The following KIDINS220 variants were observed in gnomAD, a reference collection of about 807,000 sequenced individuals.
KIDINS220 encodes the protein kinase D interacting substrate 220, also known as kinase D-interacting substrate of 220 kDa.
KIDINS220 carries 63 observed loss-of-function variants against 157.6 expected under a neutral mutation model. The observed-to-expected ratio is 0.40, with a 90% confidence interval of 0.33 to 0.49. KIDINS220 has a LOEUF of 0.49. Among genes scored for constraint, KIDINS220 ranks in the 20% least tolerant of loss-of-function variants. The pLI is 0.66. For missense variants in KIDINS220, 1,772 were observed against 2,171.2 expected (o/e 0.82, Z 3.65); for synonymous variants, 732 against 783.6 (o/e 0.93, Z 1.10).
chr2:8,736,586 G>C (rs1381589089), intron 27 of KIDINS220, among the ~76,000 whole-genome samples: 17 of 152,330 alleles, frequency 1.1e-4, no homozygotes, highest in African/African-American at 4.1e-4. Context: ...ATCCCTCAGA[G>C]CTTTCTCTTT....
intron 7 of KIDINS220, among the ~76,000 whole-genome samples, chr2:8,803,361 A>G (rs1481689068): frequency 1.3e-5 from 2 of 152,194 alleles, no homozygotes; most frequent in Non-Finnish European, 2.9e-5. Flanking sequence ...CATTAGAGCT[A>G]TTATGAAGTT....
At chr2:8,813,430 AT>A in intron 4 of KIDINS220, 95 bp from the exon 5 acceptor site, 1 of 843,274 alleles carries the variant, frequency 1.2e-6, no homozygotes, top group Non-Finnish European at 1.9e-6. Flanking sequence ...AAATATCTTT[AT>A]AAATCATTGT....
chr2:8,766,112 C>T (rs936750069), intron 22 of KIDINS220, among the ~76,000 whole-genome samples: 1 of 152,132 alleles, frequency 6.6e-6, no homozygotes, highest in East Asian at 1.9e-4. Flanking sequence ...CCCCATCTTA[C>T]TCAGGGTAAA....
chr2:8,725,681 G>A (rs1186543599), downstream of KIDINS220: 2 of 152,190 alleles, frequency 1.3e-5, no homozygotes, highest in East Asian at 1.9e-4. Context: ...GAAAGAAAAC[G>A]AGGTAAATGT....
At chr2:8,830,871 G>A (rs1382051231) in intron 1 of KIDINS220, among the ~76,000 whole-genome samples, 3 of 152,262 alleles carry the variant, frequency 2.0e-5, no homozygotes, top group Non-Finnish European at 1.5e-5. Context: ...GGGTTACAAG[G>A]TCACACCATA....
chr2:8,820,268 G>A (rs1677744130), intron 2 of KIDINS220, among the ~76,000 whole-genome samples: 1 of 152,054 alleles, frequency 6.6e-6, no homozygotes. Flanking sequence ...CATTTTCATT[G>A]TGTGATTAAC....
At chr2:8,814,968 A>G (rs1676849862) in intron 4 of KIDINS220, among the ~76,000 whole-genome samples, 2 of 152,374 alleles carry the variant, frequency 1.3e-5, no homozygotes, top group Non-Finnish European at 1.5e-5. Context: ...GTACTCCTCT[A>G]AAGTGTCAAG....
chr2:8,783,984 C>A (rs1368485526), intron 17 of KIDINS220, among the ~76,000 whole-genome samples: 1 of 151,886 alleles, frequency 6.6e-6, no homozygotes, highest in East Asian at 1.9e-4. Context: ...AGGAGGAGAA[C>A]AAAATAGGAG....
chr2:8,807,085 C>G (rs1323918368), intron 6 of KIDINS220, among the ~76,000 whole-genome samples: 1 of 152,130 alleles, frequency 6.6e-6, no homozygotes, highest in Non-Finnish European at 1.5e-5. Context: ...GTGTGTGATC[C>G]TTATCGTAAG....
chr2:8,772,598 G>GTGA (rs1670381873), intron 21 of KIDINS220, among the ~76,000 whole-genome samples: 1 of 151,836 alleles, frequency 6.6e-6, no homozygotes, highest in African/African-American at 2.4e-5. Context: ...CCTATAATTA[G>GTGA]CTAAAAAGAA....
At position 8,750,126 on chromosome 2, in the gene KIDINS220, G is replaced by T; in HGVS notation, c.3400C>A (p.Pro1134Thr). The change falls in exon 24 of 30, where the codon CCC becomes ACC. Residue 1134 changes from proline (P) to threonine (T), a missense_variant. Pro to Thr is a conservative substitution (Grantham distance 38). Coordinates refer to ENST00000256707, the MANE Select transcript of KIDINS220 (RefSeq NM_020738.4). Reference sequence around the variant, plus strand: ...AACTTCCTTACCCTGTTGTAGAAGGGATGCTGAGGGCCCGTCATGCCGCTG... The same window carrying T: ...AACTTCCTTACCCTGTTGTAGAAGGTATGCTGAGGGCCCGTCATGCCGCTG... ...YYSGMTGPQH[P>T]FYNRPFFAPY... is the part of the protein sequence containing the mutation. 2 of 1,614,028 alleles carry T rather than the reference G, an allele frequency of 1.2e-6. No homozygotes were observed. The highest frequency in any genetic ancestry group is 1.7e-6 in the Non-Finnish European group (2 of 1,179,912).
Position 8,785,845 on chromosome 2 carries a change from G to C in KIDINS220, c.2125C>G (p.Arg709Gly), listed in dbSNP as rs377048648. ...GAGTCCAGCACTTGCCACCATGTAC[G>C]ACAGTTCAACACAAAGGCCAATCCC... ...VVGLAFVLNC[R>G]TWWQVLDSLL... Residue 709 changes from arginine to glycine, a missense_variant, in exon 17 of 30, where the codon CGT (arginine) becomes GGT (glycine). This residue lies in a region of KIDINS220 where 725 missense variants were observed against 1,017.1 expected (regional missense o/e 0.71). Coordinates refer to ENST00000256707, the MANE Select transcript of KIDINS220 (RefSeq NM_020738.4). 1 of 1,613,962 alleles carries C rather than the reference G, an allele frequency of 6.2e-7. No individual in the cohort carries two copies. Among genetic ancestry groups the C allele is most frequent in the African/African-American group, 1.3e-5 (1 of 74,880 alleles).
chr2:8,802,853 T>C lies in KIDINS220; in HGVS notation c.801+77A>G, dbSNP rs1042721382. 4.4e-6 allele frequency: 5 copies of C among 1,143,066 alleles called. No homozygotes were observed. In the African/African-American group the frequency reaches 7.7e-5, roughly 18 times the overall value. 70.8% of individuals were successfully genotyped at this position (1,143,066 alleles called of 1,614,324 possible). A position where few individuals can be genotyped will look rare whatever the true frequency, so the allele number is the denominator to read the frequency against. ...CAAGTTTATGTCATGCATGAGAATCTTGAAAGGTAATAAGACACTAAGGTC... is the reference window on the plus strand; with the variant it reads ...CAAGTTTATGTCATGCATGAGAATCCTGAAAGGTAATAAGACACTAAGGTC... On this transcript the variant is annotated intron_variant, in intron 8 of 29. Transcript: ENST00000256707.
At chr2:8,732,678 AAAG>A (rs1415705748) in intron 29 of KIDINS220, among the ~76,000 whole-genome samples, 3 of 152,230 alleles carry the variant, frequency 2.0e-5, no homozygotes. Flanking sequence ...CTAAAACAAA[AAAG>A]AAGGAGCAAA....
At chr2:8,768,651 A>G (rs566809475) in intron 22 of KIDINS220, among the ~76,000 whole-genome samples, 3 of 152,328 alleles carry the variant, frequency 2.0e-5, no homozygotes, top group African/African-American at 4.8e-5. Context: ...ATATTTCTTT[A>G]GTACAACAAA....
In KIDINS220 at chr2:8,817,665, C is replaced by T. The variant is rs774978592; in HGVS notation, c.259G>A (p.Val87Ile). 6.2e-6 allele frequency: 10 copies of T among 1,607,894 alleles called. No homozygotes were observed. The highest frequency in any genetic ancestry group is 1.1e-5 in the South Asian group (1 of 90,010). Reference protein sequence around the residue: ...SASKEGHVHIVEELLKCGVNL... With the variant: ...SASKEGHVHIIEELLKCGVNL... ...ACCCCACATTTCAGTAGTTCCTCTA[C>T]GATGTGCACATGCCCTTCTTTCGAT... is the stretch of plus-strand genomic sequence containing the variant. The change falls in exon 4 of 30, where the codon GTA (valine) becomes ATA (isoleucine). Residue 87 changes from valine to isoleucine, a missense_variant. Val to Ile is a conservative substitution (Grantham distance 29). Transcript: ENST00000256707.
chr2:8,732,515 A>G (rs1664265646), intron 29 of KIDINS220, among the ~76,000 whole-genome samples: 1 of 152,268 alleles, frequency 6.6e-6, no homozygotes, highest in African/African-American at 2.4e-5. Context: ...ACAGAAAAAT[A>G]AAGTAGTTTT....
chr2:8,771,991 A>G (rs1198869643), intron 21 of KIDINS220, among the ~76,000 whole-genome samples: 7 of 152,180 alleles, frequency 4.6e-5, no homozygotes, highest in African/African-American at 1.4e-4. Flanking sequence ...AAAAAAAAGA[A>G]TGTAACTAAC....
downstream of KIDINS220, chr2:8,722,383 G>T (rs568890785): frequency 3.3e-5 from 5 of 152,352 alleles, no homozygotes; most frequent in Middle Eastern, 3.4e-3. Context: ...GGCTGCTGAG[G>T]TGGAAGATGT....
Sources: gnomAD v4.1 joint callset for allele counts (sites outside exome capture counted in the v4.1 genomes callset) on GRCh38, gnomAD v4.1.1 for gene constraint, gnomAD v4.1.1 regional missense constraint, MANE v1.5 for transcripts, NCBI Gene and HGNC (gene_info 2026-07-23, HGNC 2026-07-21) for gene names.